The following GPAM variants were observed in gnomAD, a reference collection of about 807,000 sequenced individuals.
GPAM encodes the protein glycerol-3-phosphate acyltransferase 1, mitochondrial.
Under a neutral mutation model 105.0 loss-of-function variants are expected in GPAM, and 56 were observed. That is an observed-to-expected ratio of 0.53 (90% CI 0.43 to 0.67). The LOEUF (loss-of-function observed/expected upper bound fraction) is 0.67, where lower values mean the gene tolerates loss of function less well. Ranked by LOEUF, GPAM falls within the 30% of genes least tolerant of loss-of-function variation. The pLI, the probability that GPAM is intolerant of heterozygous loss-of-function variation, is 0.00. For synonymous variants in GPAM, 368 were observed against 354.4 expected (o/e 1.04, Z -0.43); for missense variants, 855 against 989.8 (o/e 0.86, Z 1.83).
At chr10:112,190,376 G>T (rs1847642212) in intron 1 of GPAM, among the ~76,000 whole-genome samples, 1 of 151,860 alleles carries the variant, frequency 6.6e-6, no homozygotes, top group Admixed American at 6.6e-5. Context: ...TTGGTGGCGT[G>T]TGCCTGTAAT....
At chr10:112,176,469 T>G (rs1407180978) in intron 5 of GPAM, among the ~76,000 whole-genome samples, 1 of 152,214 alleles carries the variant, frequency 6.6e-6, no homozygotes, top group Non-Finnish European at 1.5e-5. Context: ...ATTATTATTA[T>G]CAATTCAGTA....
chr10:112,194,139 T>C (rs1847695660), intron 1 of GPAM, among the ~76,000 whole-genome samples: 1 of 152,238 alleles, frequency 6.6e-6, no homozygotes, highest in Non-Finnish European at 1.5e-5. Flanking sequence ...GGTTCCATGT[T>C]GATACATGCC....
intron 5 of GPAM, 50 bp downstream of exon 5, chr10:112,177,934 T>C (rs1205877801): frequency 1.0e-6 from 1 of 963,046 alleles, no homozygotes; most frequent in South Asian, 1.3e-5. Flanking sequence ...CTGATTATTA[T>C]GAAGTTTTTC....
intron 1 of GPAM, among the ~76,000 whole-genome samples, chr10:112,200,657 TGAA>T (rs1304022388): frequency 6.6e-6 from 1 of 151,684 alleles, no homozygotes; most frequent in African/African-American, 2.4e-5. Flanking sequence ...TTGCTGATGG[TGAA>T]GAAGATGAAG....
chr10:112,193,623 C>G (rs1847689021), intron 1 of GPAM, among the ~76,000 whole-genome samples: 1 of 152,186 alleles, frequency 6.6e-6, no homozygotes. Flanking sequence ...GTGGCAGAAA[C>G]ACACTTTGAA....
chr10:112,153,513 C>A lies in GPAM; in HGVS notation c.*37G>T. 2.5e-6 allele frequency: 4 copies of A among 1,613,120 alleles called. No individual in the cohort carries two copies. Among genetic ancestry groups the A allele is most frequent in the Non-Finnish European group, 3.4e-6 (4 of 1,179,398 alleles). ...AAGCTGGTACCTACAAGGAACTCAT[C>A]TCATGACCTTCATTTGCCAGCAGTG... is the stretch of plus-strand genomic sequence containing the variant. On this transcript the variant is annotated 3_prime_UTR_variant, in exon 22 of 22. Transcript: ENST00000348367.
chr10:112,176,458 CATT>C (rs1341145679), intron 5 of GPAM, among the ~76,000 whole-genome samples: 1 of 152,172 alleles, frequency 6.6e-6, no homozygotes, highest in Non-Finnish European at 1.5e-5. Flanking sequence ...CATGATATCA[CATT>C]ATTATTATCA....
At chr10:112,200,691 C>T (rs1847787756) in intron 1 of GPAM, among the ~76,000 whole-genome samples, 1 of 151,844 alleles carries the variant, frequency 6.6e-6, no homozygotes, top group Admixed American at 6.6e-5. Context: ...AAGAAGAGAA[C>T]AAGCAGAGGA....
chr10:112,157,550 A>C (rs1847039852), intron 18 of GPAM, among the ~76,000 whole-genome samples, 161 bp from the exon 19 acceptor site: 1 of 152,200 alleles, frequency 6.6e-6, no homozygotes, highest in South Asian at 2.1e-4. Context: ...ACTCAAACTC[A>C]GTCAGGAGAC....
In GPAM at chr10:112,157,245, G is replaced by C. The variant is rs982928887; in HGVS notation, c.2121+4C>G. ...ATATCCACCAGAATTCTTCACCCAAGTACCTTCAGGTAGCAATCTCGCTGT... is the reference window on the plus strand; with the variant it reads ...ATATCCACCAGAATTCTTCACCCAACTACCTTCAGGTAGCAATCTCGCTGT... On this transcript the variant is annotated splice_donor_region_variant and intron_variant, in intron 19 of 21. Coordinates refer to ENST00000348367, the MANE Select transcript of GPAM (RefSeq NM_001244949.2). 1.2e-6 allele frequency: 2 copies of C among 1,612,110 alleles called. No homozygotes were observed. Among genetic ancestry groups the C allele is most frequent in the East Asian group, 2.2e-5 (1 of 44,884 alleles).
intron 10 of GPAM, 123 bp downstream of exon 10, chr10:112,168,730 A>G: frequency 1.3e-6 from 1 of 777,876 alleles, no homozygotes; most frequent in Non-Finnish European, 2.3e-6. Context: ...ACCAAACTCA[A>G]GCAATAATCA....
chr10:112,165,246 A>G (rs1847193335), intron 12 of GPAM, among the ~76,000 whole-genome samples: 1 of 152,100 alleles, frequency 6.6e-6, no homozygotes, highest in African/African-American at 2.4e-5. Flanking sequence ...CTCCTTTACA[A>G]TTTGAATACC....
intron 14 of GPAM, among the ~76,000 whole-genome samples, chr10:112,162,486 C>T (rs991103962): frequency 6.6e-6 from 1 of 152,110 alleles, no homozygotes; most frequent in African/African-American, 2.4e-5. Flanking sequence ...ACTGAATTTG[C>T]ATAAAATTAT....
chr10:112,186,591 T>C (rs1357803862), upstream of GPAM, among the ~76,000 whole-genome samples: 1 of 152,064 alleles, frequency 6.6e-6, no homozygotes, highest in Non-Finnish European at 1.5e-5. Flanking sequence ...CAGGCTGGAG[T>C]GCAGTGGTGC....
chr10:112,194,143 A>G (rs1847695700), intron 1 of GPAM, among the ~76,000 whole-genome samples: 1 of 152,218 alleles, frequency 6.6e-6, no homozygotes, highest in African/African-American at 2.4e-5. Context: ...CCATGTTGAT[A>G]CATGCCTTCG....
chr10:112,208,882 C>T (rs549802592), intron 1 of GPAM, among the ~76,000 whole-genome samples: 1 of 152,288 alleles, frequency 6.6e-6, no homozygotes, highest in South Asian at 2.1e-4. Context: ...TACATTCACC[C>T]TAGACTGGAA....
chr10:112,173,886 A>T, intron 6 of GPAM, 41 bp from the exon 7 acceptor site: 1 of 1,487,142 alleles, frequency 6.7e-7, no homozygotes, highest in Non-Finnish European at 9.4e-7. Context: ...AATTGTTTCT[A>T]TACTACATTC....
chr10:112,192,165 A>G (rs1847667896), intron 1 of GPAM, among the ~76,000 whole-genome samples: 2 of 152,306 alleles, frequency 1.3e-5, no homozygotes, highest in Non-Finnish European at 2.9e-5. Flanking sequence ...GACATAAGCT[A>G]TTTAAAGACA....
chr10:112,200,242 TATAGAG>T (rs1340953421), intron 1 of GPAM, among the ~76,000 whole-genome samples: 8 of 126,980 alleles, frequency 6.3e-5, no homozygotes, highest in South Asian at 2.6e-4. Context: ...TATATATATA[TATAGAG>T]AGAGAGAGAG....
Sources: gnomAD v4.1 joint callset for allele counts (sites outside exome capture counted in the v4.1 genomes callset) on GRCh38, gnomAD v4.1.1 for gene constraint, MANE v1.5 for transcripts, NCBI Gene and HGNC (gene_info 2026-07-23, HGNC 2026-07-21) for gene names.